Variants in GPR158 observed in about 807,000 individuals in gnomAD.
GPR158 encodes the protein metabotropic glycine receptor.
A neutral mutation model predicts 78.2 loss-of-function variants in GPR158; 30 were observed. The observed-to-expected ratio is 0.38, with a 90% CI of 0.29 to 0.52. The LOEUF (loss-of-function observed/expected upper bound fraction) is 0.52, where lower values mean the gene tolerates loss of function less well. Among genes scored for constraint, GPR158 ranks in the 20% least tolerant of loss-of-function variants. The probability of loss-of-function intolerance (pLI) is 0.83; values close to 1 mark genes in which losing one functional copy is unlikely to be tolerated. For synonymous variants in GPR158, 581 were observed against 591.1 expected, an observed-to-expected ratio of 0.98 and a Z score of 0.25; for missense variants, 1,463 against 1,523.5, an observed-to-expected ratio of 0.96 and a Z score of 0.66.
At chr10:25,384,097 A>C (rs926755214) in intron 2 of GPR158, among the ~76,000 whole-genome samples, 1 of 148,724 alleles carries the variant, frequency 6.7e-6, no homozygotes, top group Non-Finnish European at 1.5e-5. Flanking sequence ...TTTATTATTT[A>C]TTATCTCATA....
intron 4 of GPR158, among the ~76,000 whole-genome samples, chr10:25,422,879 A>AATGATAC (rs1834770752): frequency 1.3e-5 from 1 of 76,768 alleles, no homozygotes; most frequent in Non-Finnish European, 2.8e-5. Flanking sequence ...CCAAGTCCCC[A>AATGATAC]AAGTTCATTG....
chr10:25,377,160 ATAG>A (rs1834092206), intron 2 of GPR158, among the ~76,000 whole-genome samples: 1 of 151,618 alleles, frequency 6.6e-6, no homozygotes, highest in East Asian at 1.9e-4. Context: ...CTCTCCAATT[ATAG>A]GTATGTTAGA....
intron 2 of GPR158, among the ~76,000 whole-genome samples, chr10:25,253,129 C>G (rs1336874650): frequency 6.6e-6 from 1 of 152,250 alleles, no homozygotes; most frequent in East Asian, 1.9e-4. Context: ...CTCCCTGACC[C>G]CTTGCGCTTC....
intron 2 of GPR158, among the ~76,000 whole-genome samples, chr10:25,378,668 A>C (rs1026806154): frequency 6.6e-6 from 1 of 152,018 alleles, no homozygotes; most frequent in Admixed American, 6.6e-5. Context: ...TAGTTATTCT[A>C]TGGATTTCAG....
rs1214066512 is a variant in GPR158, at chr10:25,412,500, C to T, written c.1335+27C>T. On this transcript the variant is annotated intron_variant, in intron 4 of 10. Transcript: ENST00000376351. ...TAAACCCAGGAACCCTGGTTATGAT[C>T]CTGTATTACAGAGCAACCTCTTATC... The T allele has an allele frequency of 4.0e-6, 6 of 1,487,270 alleles. No individual in the cohort carries two copies. The East Asian group carries it at 6.7e-5, about 17-fold the overall frequency. The allele number at this position is 1,487,270 out of a possible 1,614,324, so 92.1% of individuals were successfully genotyped here. A position where few individuals can be genotyped will look rare whatever the true frequency, so the allele number is the denominator to read the frequency against.
At chr10:25,232,446 A>G (rs955420945) in intron 2 of GPR158, among the ~76,000 whole-genome samples, 1 of 152,196 alleles carries the variant, frequency 6.6e-6, no homozygotes, top group African/African-American at 2.4e-5. Flanking sequence ...GTGAAGAATC[A>G]TGTTGCTTAG....
chr10:25,427,532 A>G (rs1465429484), intron 4 of GPR158, among the ~76,000 whole-genome samples: 1 of 152,118 alleles, frequency 6.6e-6, no homozygotes, highest in African/African-American at 2.4e-5. Flanking sequence ...TTACTGATAT[A>G]GAAACACCAC....
At chr10:25,398,978 G>T (rs1834404787) in intron 3 of GPR158, among the ~76,000 whole-genome samples, 1 of 152,092 alleles carries the variant, frequency 6.6e-6, no homozygotes, top group Non-Finnish European at 1.5e-5. Context: ...ATGAGCAGTG[G>T]GTGAGTGTAT....
rs192940626 is a variant in GPR158 at position 25,190,683 on chromosome 10, T to G, written c.902+14361T>G. Among the ~76,000 whole-genome samples the G allele has an allele frequency of 3.5e-3, 534 of 152,278 alleles. 4 individuals are homozygous for G. The highest frequency in any genetic ancestry group is 0.012 in the African/African-American group (501 of 41,552). On this transcript the variant is annotated intron_variant, in intron 1 of 10. Transcript: ENST00000376351. ...TAAGCATATGTTTAAAGATACAGTTTTAAATATTAAGAATGCTTAGAATTC... is the reference window on the plus strand; with the variant it reads ...TAAGCATATGTTTAAAGATACAGTTGTAAATATTAAGAATGCTTAGAATTC...
chr10:25,394,550 A>G (rs1292339048), intron 2 of GPR158, among the ~76,000 whole-genome samples: 1 of 152,174 alleles, frequency 6.6e-6, no homozygotes, highest in Non-Finnish European at 1.5e-5. Flanking sequence ...TTATTTCCTA[A>G]ATACTTGCTA....
intron 1 of GPR158, among the ~76,000 whole-genome samples, chr10:25,196,289 T>C (rs1380217034): frequency 1.3e-5 from 2 of 152,138 alleles, no homozygotes; most frequent in African/African-American, 4.8e-5. Context: ...GAAATAGTTT[T>C]CCTTTGGCAA....
chr10:25,179,808 A>G (rs1258806384), intron 1 of GPR158, among the ~76,000 whole-genome samples: 1 of 152,188 alleles, frequency 6.6e-6, no homozygotes, highest in African/African-American at 2.4e-5. Context: ...ATCCTAGCAA[A>G]AAAGAGAGAG....
chr10:25,325,044 A>G (rs1360785396), intron 2 of GPR158, among the ~76,000 whole-genome samples: 1 of 151,644 alleles, frequency 6.6e-6, no homozygotes, highest in African/African-American at 2.4e-5. Flanking sequence ...GGGTCTTGCT[A>G]TATTACCCAA....
At chr10:25,467,206 G>A (rs1835437269) in intron 5 of GPR158, among the ~76,000 whole-genome samples, 1 of 152,200 alleles carries the variant, frequency 6.6e-6, no homozygotes, top group Non-Finnish European at 1.5e-5. Flanking sequence ...GGTTGAATCT[G>A]TCTAAAGACC....
chr10:25,329,693 A>G (rs1266169319), intron 2 of GPR158, among the ~76,000 whole-genome samples: 1 of 151,806 alleles, frequency 6.6e-6, no homozygotes, highest in African/African-American at 2.4e-5. Context: ...TCCATTCTCT[A>G]CAATGCTTGG....
At chr10:25,518,384 C>G (rs1026328391) in intron 5 of GPR158, among the ~76,000 whole-genome samples, 1 of 88,374 alleles carries the variant, frequency 1.1e-5, no homozygotes, top group Admixed American at 1.0e-4. Flanking sequence ...CAGTTCTGCT[C>G]TGATTTTAGT....
At chr10:25,244,991 A>C (rs1354311004) in intron 2 of GPR158, 2 of 152,206 alleles carry the variant, frequency 1.3e-5, no homozygotes, top group Non-Finnish European at 2.9e-5. Flanking sequence ...TACAGTTCTC[A>C]GCAAAGCTTC....
chr10:25,209,304 T>A (rs1263209058), intron 1 of GPR158, among the ~76,000 whole-genome samples: 1 of 152,246 alleles, frequency 6.6e-6, no homozygotes, highest in Non-Finnish European at 1.5e-5. Context: ...CTTTAAATGA[T>A]CTGTGTCTGC....
intron 2 of GPR158, among the ~76,000 whole-genome samples, chr10:25,367,773 G>C (rs939931828): frequency 6.6e-6 from 1 of 151,732 alleles, no homozygotes; most frequent in African/African-American, 2.4e-5. Context: ...CATTTCTTCA[G>C]ATGTCCCTTT....
Sources: gnomAD v4.1 joint callset for allele counts (sites outside exome capture counted in the v4.1 genomes callset) on GRCh38, gnomAD v4.1.1 for gene constraint, MANE v1.5 for transcripts, NCBI Gene and HGNC (gene_info 2026-07-23, HGNC 2026-07-21) for gene names.